The following KIRREL3 variants were observed in gnomAD, a reference collection of about 807,000 sequenced individuals.
KIRREL3 encodes the protein kin of IRRE-like protein 3.
A neutral mutation model predicts 89.7 loss-of-function variants in KIRREL3; 36 were observed. The observed-to-expected ratio is 0.40, with a 90% CI of 0.31 to 0.53. The LOEUF (loss-of-function observed/expected upper bound fraction) is 0.53, where lower values mean the gene tolerates loss of function less well. Among genes scored for constraint, KIRREL3 ranks in the 20% least tolerant of loss-of-function variants. The pLI is 0.49. For missense variants in KIRREL3, 864 were observed against 1,056.6 expected, an observed-to-expected ratio of 0.82 and a Z score of 2.53; for synonymous variants, 445 against 441.4, an observed-to-expected ratio of 1.01 and a Z score of -0.10.
In KIRREL3 at chr11:126,807,156, G is replaced by T. The variant is rs34475898; in HGVS notation, c.55+193299C>A. Among the ~76,000 whole-genome samples, 47,857 of 152,072 alleles carry T rather than the reference G, an allele frequency of 0.31. 7,944 individuals are homozygous for T. Among genetic ancestry groups the T allele is most frequent in the East Asian group, 0.46 (2,389 of 5,154 alleles). On this transcript the variant is annotated intron_variant, in intron 1 of 16. Transcript: ENST00000525144. The surrounding 1 kb of genome is among the most constrained non-coding windows in gnomAD (Gnocchi z 4.3). The stretch of plus-strand genomic sequence containing the variant: ...CCAAGCAGGTTTGGGAGTAGGACGT[G>T]GTCTGGGAAGGGAGGTAGGCTGACT...
chr11:126,451,062 T>C (rs946573165), intron 7 of KIRREL3, among the ~76,000 whole-genome samples: 16 of 132,032 alleles, frequency 1.2e-4, no homozygotes, highest in Non-Finnish European at 2.2e-4. Flanking sequence ...CATGTGTGCA[T>C]GCATGTGCAT....
chr11:126,604,160 A>G (rs142624216), intron 1 of KIRREL3, among the ~76,000 whole-genome samples: 1 of 152,312 alleles, frequency 6.6e-6, no homozygotes, highest in African/African-American at 2.4e-5. Flanking sequence ...AAGATGAATA[A>G]GCAATAGCTT....
At chr11:126,518,340 A>G (rs1268652053) in intron 4 of KIRREL3, among the ~76,000 whole-genome samples, 2 of 152,136 alleles carry the variant, frequency 1.3e-5, no homozygotes, top group Non-Finnish European at 2.9e-5. Flanking sequence ...AACAATGCAC[A>G]TCTGTTGGCT....
At chr11:126,849,284 TC>T (rs1565349552) in intron 1 of KIRREL3, among the ~76,000 whole-genome samples, 1 of 151,824 alleles carries the variant, frequency 6.6e-6, no homozygotes, top group African/African-American at 2.4e-5. Flanking sequence ...CCCTATACAG[TC>T]TCAGAAGGGG....
intron 13 of KIRREL3, among the ~76,000 whole-genome samples, chr11:126,434,253 T>TG (rs1219227978): frequency 1.3e-5 from 2 of 152,140 alleles, no homozygotes; most frequent in East Asian, 3.9e-4. Flanking sequence ...CAAGGAGGTG[T>TG]GCCAGGCACC....
At position 126,739,234 on chromosome 11, in the gene KIRREL3, T is replaced by C. The variant is rs1948902432; in HGVS notation, c.56-176322A>G. On this transcript the variant is annotated intron_variant, in intron 1 of 16. Coordinates refer to ENST00000525144, the MANE Select transcript of KIRREL3 (RefSeq NM_032531.4). The surrounding 1 kb of genome is among the most constrained non-coding windows in gnomAD (Gnocchi z 5.5). ...TGATGTGAATTTCTAGCCTTCTGCA[T>C]ATGACTTGCCCACAGAGCATTAGGT... 1.3e-5 allele frequency among the ~76,000 whole-genome samples: 2 copies of C among 152,254 alleles called. No individual in the cohort carries two copies. Among genetic ancestry groups the C allele is most frequent in the African/African-American group, 4.8e-5 (2 of 41,466 alleles).
chr11:126,833,621 T>C (rs1688022007), intron 1 of KIRREL3, among the ~76,000 whole-genome samples: 1 of 152,222 alleles, frequency 6.6e-6, no homozygotes, highest in South Asian at 2.1e-4. Flanking sequence ...TGAAGACAGT[T>C]GGTGATGTGC....
rs936088073 is a variant in KIRREL3 at position 126,686,646 on chromosome 11, C to A, written c.56-123734G>T. On this transcript the variant is annotated intron_variant, in intron 1 of 16. Coordinates refer to ENST00000525144, the MANE Select transcript of KIRREL3 (RefSeq NM_032531.4). The surrounding 1 kb of genome is among the most constrained non-coding windows in gnomAD (Gnocchi z 4.7). ...ACAGGCTGGAGTGCAGTGGCGTGAT[C>A]TTGGCTCACTGCAACCTCGGCCTCT... Among the ~76,000 whole-genome samples, 1 of 152,160 alleles carries A rather than the reference C, an allele frequency of 6.6e-6. No individual in the cohort carries two copies. Among genetic ancestry groups the A allele is most frequent in the Non-Finnish European group, 1.5e-5 (1 of 68,036 alleles).
chr11:126,568,163 C>T lies in KIRREL3; in HGVS notation c.56-5251G>A, dbSNP rs1940656097. On this transcript the variant is annotated intron_variant, in intron 1 of 16. Transcript: ENST00000525144. The surrounding 1 kb of genome is among the most constrained non-coding windows in gnomAD (Gnocchi z 4.6). ...AGCCAGGGACCAGATCCTGGAGTAG[C>T]CAATGAGCCTCACCCAGGAGTCTGG... Among the ~76,000 whole-genome samples, 1 of 152,074 alleles carries T rather than the reference C, an allele frequency of 6.6e-6. No homozygotes were observed. Among genetic ancestry groups the T allele is most frequent in the African/African-American group, 2.4e-5 (1 of 41,440 alleles).
rs560989528 is a variant in KIRREL3 at position 126,785,653 on chromosome 11, G to A, written c.55+214802C>T. On this transcript the variant is annotated intron_variant, in intron 1 of 16. Transcript: ENST00000525144. Reference sequence around the variant, plus strand: ...AGCACTTCGGGAGGCTGAGGTGGGCGGATCATGAAGTCAGGAGATCAAGAC... The same window carrying A: ...AGCACTTCGGGAGGCTGAGGTGGGCAGATCATGAAGTCAGGAGATCAAGAC... Among the ~76,000 whole-genome samples the A allele has an allele frequency of 6.6e-5, 10 of 152,062 alleles. No homozygotes were observed. In the South Asian group the frequency reaches 1.0e-3, roughly 16 times the overall value.
chr11:126,929,954 C>CA (rs1339601074), intron 1 of KIRREL3, among the ~76,000 whole-genome samples: 2 of 152,020 alleles, frequency 1.3e-5, no homozygotes, highest in South Asian at 2.1e-4. Context: ...AGCCACCCCC[C>CA]CCCCCCCACC....
rs1958620830 is a variant in KIRREL3, at chr11:126,522,202, A to G, written c.284-738T>C. ...CAGCACTGTGGTCTACCAAGCAGAC[A>G]TGCATTTTGATAAGATAGAGAGGAG... On this transcript the variant is annotated intron_variant, in intron 3 of 16. Coordinates refer to ENST00000525144, the MANE Select transcript of KIRREL3 (RefSeq NM_032531.4). This position sits in a 1 kb window ranked among gnomAD's most constrained non-coding sequence, Gnocchi z 6.0. Among the ~76,000 whole-genome samples, 1 of 152,172 alleles carries G rather than the reference A, an allele frequency of 6.6e-6. No homozygotes were observed. Among genetic ancestry groups the G allele is most frequent in the East Asian group, 1.9e-4 (1 of 5,192 alleles).
intron 1 of KIRREL3, among the ~76,000 whole-genome samples, chr11:126,695,038 A>G (rs1157803226): frequency 6.6e-6 from 1 of 152,220 alleles, no homozygotes; most frequent in African/African-American, 2.4e-5. Flanking sequence ...CTAAAGCATT[A>G]TGGGAACCCA....
At chr11:126,730,559 G>A (rs923027210) in intron 1 of KIRREL3, among the ~76,000 whole-genome samples, 6 of 152,124 alleles carry the variant, frequency 3.9e-5, no homozygotes, top group African/African-American at 9.7e-5. Flanking sequence ...ATTTGGCAAC[G>A]TCCAGGGACA....
Position 126,523,265 on chromosome 11 carries a change from G to A in KIRREL3, c.284-1801C>T, listed in dbSNP as rs141997082. Among the ~76,000 whole-genome samples, 131 of 152,204 alleles carry A rather than the reference G, an allele frequency of 8.6e-4. No homozygotes were observed. Among genetic ancestry groups the A allele is most frequent in the Admixed American group, 3.9e-3 (59 of 15,300 alleles). The stretch of plus-strand genomic sequence containing the variant: ...ATGTTGCAGAGGTGATTTCTACACC[G>A]GGTGAAAGATCAGACTAGAGGAGCT... On this transcript the variant is annotated intron_variant, in intron 3 of 16. Transcript: ENST00000525144. This position sits in a 1 kb window ranked among gnomAD's most constrained non-coding sequence, Gnocchi z 4.9.
At position 126,459,198 on chromosome 11, in the gene KIRREL3, A is replaced by G. The variant is rs1210657840; in HGVS notation, c.743-2744T>C. On this transcript the variant is annotated intron_variant, in intron 6 of 16. Coordinates refer to ENST00000525144, the MANE Select transcript of KIRREL3 (RefSeq NM_032531.4). This position sits in a 1 kb window ranked among gnomAD's most constrained non-coding sequence, Gnocchi z 4.8. Reference sequence around the variant, plus strand: ...CCCATAGGCTCAAGGGACCCGCCACAGAACTTGGGGGGCTGTTCCAGGAGG... The same window carrying G: ...CCCATAGGCTCAAGGGACCCGCCACGGAACTTGGGGGGCTGTTCCAGGAGG... 1.3e-5 allele frequency among the ~76,000 whole-genome samples: 2 copies of G among 152,160 alleles called. No individual in the cohort carries two copies.
intron 1 of KIRREL3, among the ~76,000 whole-genome samples, chr11:126,925,742 G>T (rs1398358544): frequency 6.6e-6 from 1 of 152,190 alleles, no homozygotes; most frequent in Non-Finnish European, 1.5e-5. Flanking sequence ...CCCTGCTCCT[G>T]CACTTCTCTC....
At chr11:126,434,466 T>C (rs960417898) in intron 13 of KIRREL3, among the ~76,000 whole-genome samples, 3 of 152,156 alleles carry the variant, frequency 2.0e-5, no homozygotes, top group Admixed American at 1.3e-4. Context: ...GGTGCTCTGA[T>C]AGGGGCATGT....
chr11:126,843,539 G>A lies in KIRREL3; in HGVS notation c.55+156916C>T, dbSNP rs1237685119. ...TAGTCAGCTATGCAATCAAACCAAA[G>A]CATGCCTAAGCGATAACTGGAGTCC... On this transcript the variant is annotated intron_variant, in intron 1 of 16. Transcript: ENST00000525144. The surrounding 1 kb of genome is among the most constrained non-coding windows in gnomAD (Gnocchi z 4.6). Among the ~76,000 whole-genome samples the A allele has an allele frequency of 6.6e-6, 1 of 152,164 alleles. No homozygotes were observed. Among genetic ancestry groups the A allele is most frequent in the East Asian group, 1.9e-4 (1 of 5,198 alleles).
Sources: gnomAD v4.1 joint callset for allele counts (sites outside exome capture counted in the v4.1 genomes callset) on GRCh38, gnomAD v4.1.1 for gene constraint, Gnocchi (gnomAD v3.1) non-coding constraint, MANE v1.5 for transcripts, NCBI Gene and HGNC (gene_info 2026-07-23, HGNC 2026-07-21) for gene names.